The following SLC25A28 variants were observed in gnomAD, a reference collection of about 807,000 sequenced individuals.
The protein encoded by SLC25A28 is solute carrier family 25 member 28, also known as mitoferrin-2.
In SLC25A28, 10 loss-of-function variants were observed where a neutral mutation model predicts 31.9. The observed-to-expected ratio is 0.31, with a 90% CI of 0.19 to 0.53. The LOEUF is 0.53. Ranked by LOEUF, SLC25A28 falls within the 20% of genes least tolerant of loss-of-function variation. SLC25A28 has a pLI of 0.95. For missense variants in SLC25A28, 256 were observed against 490.3 expected, an observed-to-expected ratio of 0.52 and a Z score of 4.51; for synonymous variants, 208 against 203.6, an observed-to-expected ratio of 1.02 and a Z score of -0.19.
At chr10:99,632,210 T>C in the SLC25A28 span, among the ~76,000 whole-genome samples, 1 of 152,208 alleles carries the variant, frequency 6.6e-6, no homozygotes, top group African/African-American at 2.4e-5. Context: ...ATGTTATTTT[T>C]TAAGCAATAA....
the SLC25A28 span, among the ~76,000 whole-genome samples, chr10:99,633,675 A>AG: frequency 1.3e-5 from 2 of 149,962 alleles, no homozygotes; most frequent in African/African-American, 4.9e-5. Flanking sequence ...TCTTAAGAAA[A>AG]AAAAAAAAAA....
chr10:99,617,376 T>G (rs1192468659), intron 1 of SLC25A28: 1 of 985,316 alleles, frequency 1.0e-6, no homozygotes, highest in African/African-American at 1.7e-5. Flanking sequence ...CCCTGATAAG[T>G]AGCTGAGGAT....
chr10:99,617,219 T>G (rs12782208), intron 1 of SLC25A28: 1 of 985,158 alleles, frequency 1.0e-6, no homozygotes. Flanking sequence ...CGCTTGCCTT[T>G]GAGGCCCAGA....
chr10:99,650,903 T>G, the SLC25A28 span, among the ~76,000 whole-genome samples: 4 of 152,158 alleles, frequency 2.6e-5, no homozygotes, highest in Non-Finnish European at 4.4e-5. Context: ...GCTGCTGTAG[T>G]CTCAGATGCC....
intron 1 of SLC25A28, chr10:99,619,278 C>A (rs908710355): frequency 1.0e-6 from 1 of 985,316 alleles, no homozygotes; most frequent in African/African-American, 1.7e-5. Flanking sequence ...CCTTTCTAGG[C>A]AACTTCTCCC....
the SLC25A28 span, among the ~76,000 whole-genome samples, chr10:99,651,594 CTT>C: frequency 7.3e-5 from 8 of 110,158 alleles, no homozygotes; most frequent in Admixed American, 1.1e-4. Flanking sequence ...TTTTTCTTTT[CTT>C]TTTTTTTTTT....
chr10:99,612,978 T>TCACAGAACCTCAC (rs1215191047), intron 2 of SLC25A28, among the ~76,000 whole-genome samples: 1 of 152,090 alleles, frequency 6.6e-6, no homozygotes, highest in Non-Finnish European at 1.5e-5. Flanking sequence ...TGGTCAGATC[T>TCACAGAACCTCAC]CACAGAACCT....
Position 99,613,496 on chromosome 10 carries a change from T to C in SLC25A28, c.520+200A>G. ...TAAGGGAGGATACTGTAACCCTTTG[T>C]TGAGGTGCCCCAAAGGAAAAGGCAG... On this transcript the variant is annotated intron_variant, in intron 2 of 3. Transcript: ENST00000370495. The surrounding 1 kb of genome is among the most constrained non-coding windows in gnomAD (Gnocchi z 4.9). The C allele has an allele frequency of 6.9e-7, 1 of 1,439,446 alleles. No individual in the cohort carries two copies. Among genetic ancestry groups the C allele is most frequent in the East Asian group, 2.5e-5 (1 of 39,716 alleles). The allele number at this position is 1,439,446 out of a possible 1,614,324, so 89.2% of individuals were successfully genotyped here.
the SLC25A28 span, among the ~76,000 whole-genome samples, chr10:99,644,858 T>C: frequency 6.6e-6 from 1 of 152,220 alleles, no homozygotes; most frequent in African/African-American, 2.4e-5. Context: ...AAAATTCTTT[T>C]CTTTAAGAAT....
At chr10:99,619,013 T>C (rs2034723174) in intron 1 of SLC25A28, 13 of 985,460 alleles carry the variant, frequency 1.3e-5, no homozygotes, top group Middle Eastern at 5.2e-4. Flanking sequence ...CCCTCTAGTT[T>C]ACCTCTCCCT....
the SLC25A28 span, among the ~76,000 whole-genome samples, chr10:99,648,274 G>A: frequency 2.0e-5 from 3 of 151,934 alleles, no homozygotes; most frequent in Non-Finnish European, 4.4e-5. Flanking sequence ...TGGAATTACA[G>A]GCATGCACCA....
chr10:99,643,693 G>T, the SLC25A28 span, among the ~76,000 whole-genome samples: 7 of 152,150 alleles, frequency 4.6e-5, no homozygotes, highest in African/African-American at 1.4e-4. Context: ...GCTTTCTCTT[G>T]TGGGCATTTA....
chr10:99,634,593 A>C, the SLC25A28 span, among the ~76,000 whole-genome samples: 1 of 152,210 alleles, frequency 6.6e-6, no homozygotes, highest in Non-Finnish European at 1.5e-5. Flanking sequence ...AAACAAAGAC[A>C]AAGAAAAAAG....
chr10:99,638,817 A>G, the SLC25A28 span, among the ~76,000 whole-genome samples: 3 of 152,224 alleles, frequency 2.0e-5, no homozygotes, highest in Admixed American at 1.3e-4. Flanking sequence ...GTGATCAGGG[A>G]ACACTTCTAC....
At chr10:99,657,334 A>G in the SLC25A28 span, among the ~76,000 whole-genome samples, 1 of 152,210 alleles carries the variant, frequency 6.6e-6, no homozygotes, top group African/African-American at 2.4e-5. Flanking sequence ...TTCTTTCCAT[A>G]TCTATTTTGT....
At chr10:99,615,023 G>A (rs1185558743) in intron 1 of SLC25A28, among the ~76,000 whole-genome samples, 5 of 152,124 alleles carry the variant, frequency 3.3e-5, no homozygotes, top group African/African-American at 1.2e-4. Context: ...TTAAATTTCT[G>A]CATCAATCTA....
intron 1 of SLC25A28, chr10:99,616,815 C>G: frequency 1.1e-6 from 1 of 931,280 alleles, no homozygotes; most frequent in Non-Finnish European, 1.3e-6. Context: ...TATAACTTCC[C>G]TAAGCCTCCT....
At chr10:99,645,221 A>T in the SLC25A28 span, among the ~76,000 whole-genome samples, 1 of 152,172 alleles carries the variant, frequency 6.6e-6, no homozygotes. Flanking sequence ...CTTTTCACAT[A>T]GTCCCATATT....
chr10:99,624,520 C>G (rs2034849566), upstream of SLC25A28, among the ~76,000 whole-genome samples: 1 of 152,170 alleles, frequency 6.6e-6, no homozygotes, highest in South Asian at 2.1e-4. Context: ...CTCACCAGCA[C>G]TAAACCTGCC....
Sources: gnomAD v4.1 joint callset for allele counts (sites outside exome capture counted in the v4.1 genomes callset) on GRCh38, gnomAD v4.1.1 for gene constraint, Gnocchi (gnomAD v3.1) non-coding constraint, MANE v1.5 for transcripts, NCBI Gene and HGNC (gene_info 2026-07-23, HGNC 2026-07-21) for gene names.